The following RBFOX1 variants were observed in gnomAD, a reference collection of about 807,000 sequenced individuals.
The protein encoded by RBFOX1 is RNA binding fox-1 homolog 1, also known as RNA binding protein fox-1 homolog 1.
In RBFOX1, 8 loss-of-function variants were observed where a neutral mutation model predicts 57.7. That is an observed-to-expected ratio of 0.14 (90% CI 0.08 to 0.25). The LOEUF (loss-of-function observed/expected upper bound fraction) is 0.25. Ranked by LOEUF, RBFOX1 falls within the 10% of genes least tolerant of loss-of-function variation. The pLI is 1.00. For synonymous variants in RBFOX1, 326 were observed against 222.4 expected, an observed-to-expected ratio of 1.47 and a Z score of -4.15; for missense variants, 611 against 548.5, an observed-to-expected ratio of 1.11 and a Z score of -1.14.
At chr16:7,597,246 A>C (rs2094751426) in intron 8 of RBFOX1, 125 bp from the exon 9 acceptor site, 2 of 622,012 alleles carry the variant, frequency 3.2e-6, no homozygotes, top group African/African-American at 1.9e-5. Context: ...CCTTTTATAA[A>C]TTAAAATGCA....
intron 2 of RBFOX1, among the ~76,000 whole-genome samples, chr16:6,339,821 C>T (rs923378585): frequency 6.6e-6 from 1 of 151,914 alleles, no homozygotes; most frequent in African/African-American, 2.4e-5. Flanking sequence ...CAGGTGCCTG[C>T]CACCATGCCC....
chr16:5,441,896 C>T (rs2068096192), intron 1 of RBFOX1, among the ~76,000 whole-genome samples: 1 of 152,108 alleles, frequency 6.6e-6, no homozygotes, highest in Admixed American at 6.5e-5. Context: ...TCAGTAATCT[C>T]CACTTGTTCT....
intron 3 of RBFOX1, among the ~76,000 whole-genome samples, chr16:7,031,870 T>A (rs561834568): frequency 6.6e-6 from 1 of 152,260 alleles, no homozygotes; most frequent in East Asian, 1.9e-4. Context: ...GGAGCTCCAC[T>A]ACCTTGCCTT....
intron 2 of RBFOX1, among the ~76,000 whole-genome samples, chr16:6,522,111 C>G (rs1032558525): frequency 2.1e-4 from 31 of 151,206 alleles, no homozygotes; most frequent in African/African-American, 7.3e-4. Context: ...AATCAATTTC[C>G]AAAGATTATG....
chr16:7,560,540 A>AC (rs2090072950), intron 5 of RBFOX1, among the ~76,000 whole-genome samples: 1 of 151,964 alleles, frequency 6.6e-6, no homozygotes, highest in Admixed American at 6.6e-5. Flanking sequence ...ATCAAAAAAA[A>AC]AAAAAAGCAA....
Position 5,800,384 on chromosome 16 carries a change from T to A in RBFOX1, c.319-66919T>A, listed in dbSNP as rs1567557992. 3.9e-5 allele frequency among the ~76,000 whole-genome samples: 6 copies of A among 152,250 alleles called. No homozygotes were observed. In the South Asian group the frequency reaches 1.2e-3, roughly 32 times the overall value. On this transcript the variant is annotated intron_variant, in intron 3 of 19. Transcript: ENST00000641259. ...GTCAAGAGCAAACCAGGGTGGGACA[T>A]CCTGTGACCAGGACTTGATGGACAT...
intron 2 of RBFOX1, among the ~76,000 whole-genome samples, chr16:5,490,730 G>A (rs559354771): frequency 4.6e-5 from 7 of 152,310 alleles, no homozygotes; most frequent in African/African-American, 1.4e-4. Flanking sequence ...GAGCAGCCGC[G>A]TGGGAGAGCA....
chr16:5,252,943 C>T (rs551985003), intron 1 of RBFOX1, among the ~76,000 whole-genome samples: 91 of 152,282 alleles, frequency 6.0e-4, no homozygotes, highest in African/African-American at 2.2e-3. Flanking sequence ...ACTGCATTTC[C>T]ACCATAAGCT....
intron 1 of RBFOX1, among the ~76,000 whole-genome samples, chr16:5,381,686 CA>C (rs2066135118): frequency 6.6e-6 from 1 of 152,166 alleles, no homozygotes; most frequent in Non-Finnish European, 1.5e-5. Context: ...GCATGGTGCC[CA>C]AGGCATAGCA....
At chr16:6,939,883 ATAT>A (rs1390016983) in intron 3 of RBFOX1, among the ~76,000 whole-genome samples, 1 of 152,194 alleles carries the variant, frequency 6.6e-6, no homozygotes, top group African/African-American at 2.4e-5. Flanking sequence ...AATTTACTGC[ATAT>A]TATTCAATTT....
chr16:5,913,302 G>A (rs1359806699), intron 4 of RBFOX1, among the ~76,000 whole-genome samples: 4 of 152,186 alleles, frequency 2.6e-5, no homozygotes, highest in Admixed American at 1.3e-4. Context: ...CGCAGGGGTT[G>A]ATATGATTTG....
At chr16:7,283,924 G>T (rs77458423) in intron 4 of RBFOX1, among the ~76,000 whole-genome samples, 4,095 of 152,260 alleles carry the variant, frequency 0.027, 96 homozygotes, top group East Asian at 0.12. Context: ...CCAAAAACTT[G>T]CCTAGGGCCT....
Position 6,816,864 on chromosome 16 carries a change from C to T in RBFOX1, c.-16+162214C>T, listed in dbSNP as rs146415361. Among the ~76,000 whole-genome samples, 10 of 152,192 alleles carry T rather than the reference C, an allele frequency of 6.6e-5. No homozygotes were observed. In the East Asian group the frequency reaches 1.9e-3, roughly 29 times the overall value. On this transcript the variant is annotated intron_variant, in intron 3 of 15. Coordinates refer to ENST00000550418, the MANE Select transcript of RBFOX1 (RefSeq NM_018723.4). ...GGCTCAAACAGTCCTCCCACTTCAC[C>T]CTCCCAAGTAGTTGGGACTAAAGGT...
intron 1 of RBFOX1, among the ~76,000 whole-genome samples, chr16:5,433,187 C>T (rs999789474): frequency 1.3e-5 from 2 of 152,126 alleles, no homozygotes; most frequent in Admixed American, 6.5e-5. Flanking sequence ...GTGGCTGAGG[C>T]CCATGTTTTT....
At chr16:6,617,229 CAT>C (rs1229382967) in intron 2 of RBFOX1, among the ~76,000 whole-genome samples, 1 of 151,570 alleles carries the variant, frequency 6.6e-6, no homozygotes, top group Non-Finnish European at 1.5e-5. Flanking sequence ...TGGAAAAATA[CAT>C]GTTTGAAATC....
intron 11 of RBFOX1, among the ~76,000 whole-genome samples, chr16:7,631,532 T>C (rs2142756477): frequency 6.6e-6 from 1 of 152,338 alleles, no homozygotes; most frequent in African/African-American, 2.4e-5. Context: ...GCTGAAACTT[T>C]AACATCTGTT....
At chr16:6,914,358 G>A (rs1403547591) in intron 3 of RBFOX1, among the ~76,000 whole-genome samples, 2 of 152,148 alleles carry the variant, frequency 1.3e-5, no homozygotes, top group South Asian at 2.1e-4. Context: ...TTACAGGGTC[G>A]GCTGATAAGT....
At chr16:6,674,295 A>G (rs1027376300) in intron 3 of RBFOX1, among the ~76,000 whole-genome samples, 1 of 152,082 alleles carries the variant, frequency 6.6e-6, no homozygotes, top group Non-Finnish European at 1.5e-5. Flanking sequence ...TCGTAAAACC[A>G]ATGACTGGGT....
chr16:6,922,643 AC>A (rs1160273598), intron 3 of RBFOX1, among the ~76,000 whole-genome samples: 7 of 152,150 alleles, frequency 4.6e-5, no homozygotes, highest in Admixed American at 1.3e-4. Flanking sequence ...ATGTGCAGCC[AC>A]CTGTAAGCCA....
Sources: allele counts gnomAD v4.1 joint callset (sites outside exome capture counted in the v4.1 genomes callset), GRCh38; gene constraint gnomAD v4.1.1; transcripts MANE v1.5; gene names NCBI Gene and HGNC (gene_info 2026-07-23, HGNC 2026-07-21).